PSIP1: variants seen among roughly 807,000 people sequenced by gnomAD.
PSIP1 encodes PC4 and SRSF1 interacting protein 1.
In PSIP1, 19 loss-of-function variants were observed where a neutral mutation model predicts 74.7. That is an observed-to-expected ratio of 0.25 (90% CI 0.18 to 0.37). PSIP1 has a LOEUF of 0.37. Ranked by LOEUF, PSIP1 falls within the 10% of genes least tolerant of loss-of-function variation. The pLI is 1.00. For missense variants in PSIP1, 601 were observed against 614.3 expected (o/e 0.98, Z 0.23); for synonymous variants, 222 against 195.3 (o/e 1.14, Z -1.14).
intron 5 of PSIP1, among the ~76,000 whole-genome samples, chr9:15,486,573 G>A (rs1045709017): frequency 5.3e-5 from 8 of 152,022 alleles, no homozygotes; most frequent in Non-Finnish European, 7.4e-5. Flanking sequence ...TAACACTACC[G>A]CACCCTACAG....
intron 3 of PSIP1, among the ~76,000 whole-genome samples, chr9:15,496,801 CG>C (rs1407707151): frequency 2.6e-5 from 4 of 152,064 alleles, no homozygotes; most frequent in Admixed American, 1.3e-4. Flanking sequence ...TTTTTAAATT[CG>C]CACACTTTTT....
At chr9:15,508,357 C>G (rs1441187675) in intron 2 of PSIP1, among the ~76,000 whole-genome samples, 1 of 152,126 alleles carries the variant, frequency 6.6e-6, no homozygotes, top group African/African-American at 2.4e-5. Flanking sequence ...GGAGGTGTTT[C>G]TCAGAAAAAA....
At chr9:15,488,099 G>A (rs1456702468) in intron 4 of PSIP1, among the ~76,000 whole-genome samples, 1 of 152,120 alleles carries the variant, frequency 6.6e-6, no homozygotes, top group Non-Finnish European at 1.5e-5. Context: ...GGGAGGCTGA[G>A]GTGGGTGGAT....
chr9:15,504,023 G>A (rs2037466477), intron 3 of PSIP1, among the ~76,000 whole-genome samples: 3 of 152,104 alleles, frequency 2.0e-5, no homozygotes, highest in Admixed American at 1.3e-4. Context: ...GGGATTACAC[G>A]CGTAAGCCAC....
At chr9:15,498,624 GT>G (rs1447227424) in intron 3 of PSIP1, among the ~76,000 whole-genome samples, 6 of 152,074 alleles carry the variant, frequency 3.9e-5, no homozygotes, top group Non-Finnish European at 7.4e-5. Context: ...TGCAGCTGTG[GT>G]TCTGATTCAT....
intron 3 of PSIP1, among the ~76,000 whole-genome samples, chr9:15,499,028 T>G (rs2037210843): frequency 6.6e-6 from 1 of 152,176 alleles, no homozygotes. Context: ...CAAGGTAACT[T>G]ACCCACCAAA....
chr9:15,505,755 T>C (rs1201794939), intron 3 of PSIP1: 1 of 152,220 alleles, frequency 6.6e-6, no homozygotes, highest in African/African-American at 2.4e-5. Context: ...ATTAAAGACA[T>C]TGTGTGAAAG....
At chr9:15,496,052 G>A (rs75298122) in intron 3 of PSIP1, among the ~76,000 whole-genome samples, 5 of 152,056 alleles carry the variant, frequency 3.3e-5, no homozygotes, top group Admixed American at 1.3e-4. Context: ...CTATACATCC[G>A]ACTGTGCATG....
intron 3 of PSIP1, among the ~76,000 whole-genome samples, chr9:15,503,606 C>T (rs1472848035): frequency 6.7e-6 from 1 of 150,348 alleles, no homozygotes; most frequent in Admixed American, 6.6e-5. Flanking sequence ...AGGATGCAGT[C>T]AACTATGATC....
At chr9:15,499,379 G>T (rs1239527480) in intron 3 of PSIP1, among the ~76,000 whole-genome samples, 4 of 152,162 alleles carry the variant, frequency 2.6e-5, no homozygotes, top group Non-Finnish European at 5.9e-5. Context: ...TAATACTGAG[G>T]CAGCTCAAAT....
intron 10 of PSIP1, chr9:15,471,253 CTT>C (rs779688812): frequency 3.8e-6 from 6 of 1,592,136 alleles, no homozygotes; most frequent in South Asian, 1.1e-5. Flanking sequence ...ATACAATAAA[CTT>C]TATTTTGCAT....
intron 14 of PSIP1, 114 bp downstream of exon 14, chr9:15,468,516 A>C (rs549450356): frequency 8.4e-7 from 1 of 1,195,680 alleles, no homozygotes; most frequent in South Asian, 1.2e-5. Context: ...TTGCCTTTGT[A>C]TACTTTTTCT....
In PSIP1 at chr9:15,464,868, T is replaced by C. The variant is rs1044682697; in HGVS notation, c.*652A>G. ...ACAAAACTAAATTACCTTCAAAAAT[T>C]AATGTTTTATAGTTTGTAGAATTCT... On this transcript the variant is annotated 3_prime_UTR_variant, in exon 16 of 16. Coordinates refer to ENST00000380733, the MANE Select transcript of PSIP1 (RefSeq NM_033222.5). The C allele has an allele frequency of 1.0e-4, 22 of 210,454 alleles. No individual in the cohort carries two copies. The highest frequency in any genetic ancestry group is 4.3e-4 in the African/African-American group (19 of 44,112). 13.0% of individuals were successfully genotyped at this position (210,454 alleles called of 1,614,324 possible). A position where few individuals can be genotyped will look rare whatever the true frequency, so the allele number is the denominator to read the frequency against.
At chr9:15,468,929 A>C (rs1485968234) in intron 13 of PSIP1, 28 bp downstream of exon 13, 1 of 1,607,216 alleles carries the variant, frequency 6.2e-7, no homozygotes, top group East Asian at 2.2e-5. Flanking sequence ...CAAAATTCAA[A>C]GAATCCACAT....
intron 3 of PSIP1, among the ~76,000 whole-genome samples, chr9:15,495,589 T>C (rs2037036744): frequency 6.6e-6 from 1 of 152,214 alleles, no homozygotes; most frequent in African/African-American, 2.4e-5. Flanking sequence ...AAGAATAGTT[T>C]GAACAGTGCT....
At position 15,501,840 on chromosome 9, in the gene PSIP1, C is replaced by CATATATATATATATATATATATATATAT. The variant is rs112671758; in HGVS notation, c.149+4720_149+4721insATATATATATATATATATATATATATAT. On this transcript the variant is annotated intron_variant, in intron 3 of 15. Transcript: ENST00000380733. ...TGTTTAAGTCCCTTATATAAAACAG[C>CATATATATATATATATATATATATATAT]ATATATATATATATATATATATATA... Among the ~76,000 whole-genome samples, 248 of 124,354 alleles carry CATATATATATATATATATATATATATAT rather than the reference C, an allele frequency of 2.0e-3. 1 individual carries two copies. Among genetic ancestry groups the CATATATATATATATATATATATATATAT allele is most frequent in the African/African-American group, 6.2e-3 (171 of 27,380 alleles). 81.6% of individuals were successfully genotyped at this position (124,354 alleles called of 152,430 possible).
At chr9:15,479,739 G>A (rs780173141) in intron 6 of PSIP1, 52 bp from the exon 7 acceptor site, 2 of 1,450,716 alleles carry the variant, frequency 1.4e-6, no homozygotes, top group African/African-American at 1.4e-5. Flanking sequence ...GGCACTCAAA[G>A]TTTAATTCGA....
intron 3 of PSIP1, chr9:15,492,081 A>G (rs978969490): frequency 3.9e-5 from 6 of 152,166 alleles, no homozygotes; most frequent in African/African-American, 1.4e-4. Flanking sequence ...CCCTCTCTCA[A>G]ATCTCATGTC....
intron 8 of PSIP1, 33 bp downstream of exon 8, chr9:15,478,444 T>A: frequency 6.9e-7 from 1 of 1,455,516 alleles, no homozygotes; most frequent in Non-Finnish European, 9.6e-7. Flanking sequence ...ATGTCTCATT[T>A]ATTGCATAAT....
Sources: gnomAD v4.1 joint callset for allele counts (sites outside exome capture counted in the v4.1 genomes callset) on GRCh38, gnomAD v4.1.1 for gene constraint, MANE v1.5 for transcripts, NCBI Gene and HGNC (gene_info 2026-07-23, HGNC 2026-07-21) for gene names.